The following DAAM2 variants were observed in gnomAD, a reference collection of about 807,000 sequenced individuals.
The protein encoded by DAAM2 is dishevelled associated activator of morphogenesis 2, also known as disheveled-associated activator of morphogenesis 2.
In DAAM2, 39 loss-of-function variants were observed where a neutral mutation model predicts 120.7. That is an observed-to-expected ratio of 0.32 (90% confidence interval 0.25 to 0.42). The LOEUF is 0.42. Among genes scored for constraint, DAAM2 ranks in the 10% least tolerant of loss-of-function variants. The probability of loss-of-function intolerance (pLI) is 1.00; values close to 1 mark genes in which losing one functional copy is unlikely to be tolerated. For missense variants in DAAM2, 1,283 were observed against 1,401.7 expected, an observed-to-expected ratio of 0.92 and a Z score of 1.35; for synonymous variants, 488 against 524.9, an observed-to-expected ratio of 0.93 and a Z score of 0.96.
chr6:39,890,285 C>T (rs546031160), intron 17 of DAAM2, among the ~76,000 whole-genome samples: 58 of 152,286 alleles, frequency 3.8e-4, no homozygotes, highest in African/African-American at 1.4e-3. Flanking sequence ...AATCCACATA[C>T]AAGTGGTCCT....
chr6:39,887,449 C>G (rs1765443619), intron 15 of DAAM2, 37 bp from the exon 16 acceptor site: 1 of 1,513,856 alleles, frequency 6.6e-7, no homozygotes, highest in Admixed American at 1.7e-5. Flanking sequence ...ATTAGGGAAC[C>G]CACACCTCAA....
chr6:39,828,570 C>CTTTTTTTTTTTTTTTTTTTTT (rs1430820441), intron 1 of DAAM2, among the ~76,000 whole-genome samples: 1 of 142,554 alleles, frequency 7.0e-6, no homozygotes, highest in African/African-American at 2.6e-5. Context: ...CCCCCTCCGT[C>CTTTTTTTTTTTTTTTTTTTTT]TTTTTTTTTT....
chr6:39,852,744 G>A (rs1425820840), intron 1 of DAAM2, among the ~76,000 whole-genome samples: 1 of 152,186 alleles, frequency 6.6e-6, no homozygotes, highest in Non-Finnish European at 1.5e-5. Flanking sequence ...GAGTACTCAT[G>A]GGCACTAGCT....
At chr6:39,806,058 C>T (rs1017636097) in intron 1 of DAAM2, among the ~76,000 whole-genome samples, 9 of 152,194 alleles carry the variant, frequency 5.9e-5, no homozygotes, top group African/African-American at 1.9e-4. Context: ...ATCTATTTTG[C>T]CACCATCCTT....
chr6:39,831,364 C>G (rs112932179), intron 1 of DAAM2, among the ~76,000 whole-genome samples: 7 of 152,054 alleles, frequency 4.6e-5, no homozygotes, highest in African/African-American at 1.4e-4. Context: ...GTTATTCACA[C>G]TTAGTGCTGA....
At chr6:39,899,138 T>C (rs1369887294) in intron 22 of DAAM2, 3 of 572,736 alleles carry the variant, frequency 5.2e-6, no homozygotes, top group Non-Finnish European at 9.3e-6. Context: ...TATACCCATG[T>C]TACTGTCCAA....
At position 39,904,741 on chromosome 6, in the gene DAAM2, C is replaced by T. The variant is rs1205885338; in HGVS notation, c.*2704C>T. 2.2e-6 allele frequency: 1 copy of T among 454,020 alleles called. No homozygotes were observed. The highest frequency in any genetic ancestry group is 2.3e-5 in the Admixed American group (1 of 42,558). The allele number at this position is 454,020 out of a possible 1,614,324, so 28.1% of individuals were successfully genotyped here. On this transcript the variant is annotated 3_prime_UTR_variant, in exon 25 of 25. Coordinates refer to ENST00000274867, the MANE Select transcript of DAAM2 (RefSeq NM_001201427.2). ...GGGATGCCTTCACGCCAAGGCTGTT[C>T]TCACCAGCTGCCTCAGATGACAAAT...
At chr6:39,813,487 G>A (rs1420923775) in intron 1 of DAAM2, among the ~76,000 whole-genome samples, 2 of 152,182 alleles carry the variant, frequency 1.3e-5, no homozygotes, top group East Asian at 1.9e-4. Context: ...GAGGAAGCAC[G>A]TGAGCTGAGT....
chr6:39,813,713 C>G (rs1274220142), intron 1 of DAAM2, among the ~76,000 whole-genome samples: 1 of 152,194 alleles, frequency 6.6e-6, no homozygotes, highest in Non-Finnish European at 1.5e-5. Context: ...TGCCCCCTTT[C>G]CCACAGCTTC....
At chr6:39,894,218 C>T (rs1248839621) in intron 19 of DAAM2, among the ~76,000 whole-genome samples, 1 of 152,152 alleles carries the variant, frequency 6.6e-6, no homozygotes, top group Admixed American at 6.6e-5. Context: ...CCCATTTACA[C>T]TGATTTCCTT....
At position 39,901,121 on chromosome 6, in the gene DAAM2, C is replaced by A. The variant is rs1020061767; in HGVS notation, c.2812-181C>A. On this transcript the variant is annotated intron_variant, in intron 23 of 24. Transcript: ENST00000274867. This position sits in a 1 kb window ranked among gnomAD's most constrained non-coding sequence, Gnocchi z 4.5. ...CAACTCTTTACCTGCCTCTCCTTAG[C>A]CTTGTCTCTGATCCTGATGATGATG... Among the ~76,000 whole-genome samples the A allele has an allele frequency of 1.3e-5, 2 of 152,072 alleles. No individual in the cohort carries two copies. Among genetic ancestry groups the A allele is most frequent in the African/African-American group, 4.8e-5 (2 of 41,400 alleles).
At chr6:39,863,795 C>G (rs532152862) in intron 3 of DAAM2, among the ~76,000 whole-genome samples, 14 of 152,300 alleles carry the variant, frequency 9.2e-5, no homozygotes, top group Non-Finnish European at 1.9e-4. Context: ...TGGGCTCTGC[C>G]TCCCCGCTGC....
chr6:39,860,802 C>A, intron 2 of DAAM2, 126 bp from the exon 3 acceptor site: 1 of 771,864 alleles, frequency 1.3e-6, no homozygotes, highest in Non-Finnish European at 2.1e-6. Context: ...CTTTGATGCT[C>A]TTCGGGAGGA....
intron 14 of DAAM2, among the ~76,000 whole-genome samples, chr6:39,881,029 T>C (rs972095875): frequency 5.3e-5 from 8 of 152,252 alleles, no homozygotes; most frequent in African/African-American, 1.9e-4. Context: ...TCTCCTATTG[T>C]CACAATTTAT....
chr6:39,856,450 A>G lies in DAAM2; in HGVS notation c.148A>G (p.Ile50Val). 6.8e-7 allele frequency: 1 copy of G among 1,469,960 alleles called. No individual in the cohort carries two copies. Among genetic ancestry groups the G allele is most frequent in the African/African-American group, 1.4e-5 (1 of 69,122 alleles). The allele number at this position is 1,469,960 out of a possible 1,614,324, so 91.1% of individuals were successfully genotyped here. The change falls in exon 2 of 25, where the codon ATC becomes GTC. Residue 50 changes from isoleucine (I) to valine (V), a missense_variant. Physicochemically the swap from Ile to Val is conservative, Grantham distance 29 (BLOSUM62 3). This residue lies in a region of DAAM2 where 197 missense variants were observed against 189.3 expected (regional missense o/e 1.04). Coordinates refer to ENST00000274867, the MANE Select transcript of DAAM2 (RefSeq NM_001201427.2). Reference protein sequence around the residue: ...SPIPNAEELNIRFAELVDELD... With the variant: ...SPIPNAEELNVRFAELVDELD... ...CATCCCGAACGCAGAGGAGCTCAAC[A>G]TCCGCTTTGCAGAGCTGGTGGTCAG...
At chr6:39,873,489 C>A (rs1214125194) in intron 10 of DAAM2, 134 bp downstream of exon 10, 2 of 665,170 alleles carry the variant, frequency 3.0e-6, no homozygotes, top group Non-Finnish European at 5.4e-6. Context: ...TTTGGGAGGG[C>A]AGGCCCCATG....
Position 39,856,236 on chromosome 6 carries a change from C to T in DAAM2, c.-56-11C>T, listed in dbSNP as rs1473756090. Reference sequence around the variant, plus strand: ...ATGCCTGACCACCCTGTGTTCTCTCCTCTTGTCCAGATCACAATGAGGACC... The same window carrying T: ...ATGCCTGACCACCCTGTGTTCTCTCTTCTTGTCCAGATCACAATGAGGACC... On this transcript the variant is annotated splice_polypyrimidine_tract_variant and intron_variant, in intron 1 of 24. Transcript: ENST00000274867. The T allele has an allele frequency of 3.6e-6, 5 of 1,379,626 alleles. No homozygotes were observed. Among genetic ancestry groups the T allele is most frequent in the Non-Finnish European group, 3.8e-6 (4 of 1,063,818 alleles). 85.5% of individuals were successfully genotyped at this position (1,379,626 alleles called of 1,614,324 possible). A position where few individuals can be genotyped will look rare whatever the true frequency, so the allele number is the denominator to read the frequency against.
intron 5 of DAAM2, among the ~76,000 whole-genome samples, chr6:39,866,239 A>G (rs1764426337): frequency 6.6e-6 from 1 of 152,214 alleles, no homozygotes; most frequent in South Asian, 2.1e-4. Flanking sequence ...GTTGAGAGGA[A>G]GTTGCCAGGT....
intron 1 of DAAM2, among the ~76,000 whole-genome samples, chr6:39,854,596 A>G (rs545206005): frequency 6.6e-6 from 1 of 152,352 alleles, no homozygotes; most frequent in Admixed American, 6.5e-5. Context: ...AGGCCAGATG[A>G]GATTATACTA....
Sources: gnomAD v4.1 joint callset for allele counts (sites outside exome capture counted in the v4.1 genomes callset) on GRCh38, gnomAD v4.1.1 for gene constraint, gnomAD v4.1.1 regional missense constraint, Gnocchi (gnomAD v3.1) non-coding constraint, MANE v1.5 for transcripts, NCBI Gene and HGNC (gene_info 2026-07-23, HGNC 2026-07-21) for gene names.